Variants in RNPC3 observed in about 807,000 individuals in gnomAD.
RNPC3 encodes the protein RNA binding region (RNP1, RRM) containing 3, also known as RNA-binding region-containing protein 3.
RNPC3 carries 48 observed loss-of-function variants against 67.5 expected under a neutral mutation model. The ratio of observed to expected loss-of-function variants is 0.71; its 90% CI spans 0.56 to 0.90. The LOEUF (loss-of-function observed/expected upper bound fraction) is 0.90. Among genes scored for constraint, RNPC3 ranks in the 40% least tolerant of loss-of-function variants. The pLI is 0.00. For missense variants in RNPC3, 637 were observed against 626.1 expected (o/e 1.02, Z -0.19); for synonymous variants, 239 against 210.3 (o/e 1.14, Z -1.18).
intron 6 of RNPC3, among the ~76,000 whole-genome samples, chr1:103,536,695 G>A (rs538655912): frequency 2.6e-5 from 4 of 151,830 alleles, no homozygotes; most frequent in Admixed American, 1.3e-4. Context: ...AATACTTTGA[G>A]TGTTCATATA....
intron 7 of RNPC3, among the ~76,000 whole-genome samples, chr1:103,538,997 G>A (rs1478815852): frequency 6.6e-6 from 1 of 152,188 alleles, no homozygotes; most frequent in East Asian, 1.9e-4. Context: ...TGTGGTCTCT[G>A]TTGTGGCTAC....
intron 9 of RNPC3, among the ~76,000 whole-genome samples, chr1:103,544,469 C>A (rs1651197784): frequency 6.6e-6 from 1 of 151,688 alleles, no homozygotes. Flanking sequence ...TTTTATCATG[C>A]CTTTTTCATA....
At chr1:103,553,672 A>G (rs970534888) in intron 14 of RNPC3, 4 of 152,168 alleles carry the variant, frequency 2.6e-5, no homozygotes, top group Admixed American at 2.6e-4. Context: ...GTTGTGTAAT[A>G]TATCTGGTTT....
At chr1:103,539,484 C>T (rs910968245) in intron 7 of RNPC3, among the ~76,000 whole-genome samples, 4 of 152,180 alleles carry the variant, frequency 2.6e-5, no homozygotes, top group Non-Finnish European at 4.4e-5. Context: ...GTGTTAACTG[C>T]GGACTAATTA....
chr1:103,547,818 G>A (rs981463053), intron 12 of RNPC3, among the ~76,000 whole-genome samples: 3 of 152,160 alleles, frequency 2.0e-5, no homozygotes, highest in Admixed American at 6.5e-5. Flanking sequence ...AATTTACAAA[G>A]GAAAGAGGTT....
rs1650695762 is a variant in RNPC3 at position 103,526,066 on chromosome 1, G to C, written c.-5G>C. The stretch of plus-strand genomic sequence containing the variant: ...ACGATTTCTGTTTTTGCTTCTCCAA[G>C]GAAAATGGCAGCTCCCGAGCAGCCG... On this transcript the variant is annotated 5_prime_UTR_variant, in exon 1 of 15. Coordinates refer to ENST00000423855, the MANE Select transcript of RNPC3 (RefSeq NM_017619.4). 6.6e-7 allele frequency: 1 copy of C among 1,515,982 alleles called. No homozygotes were observed. 93.9% of individuals were successfully genotyped at this position (1,515,982 alleles called of 1,614,324 possible).
At chr1:103,537,740 C>T (rs370600824) in intron 7 of RNPC3, among the ~76,000 whole-genome samples, 77 of 152,114 alleles carry the variant, frequency 5.1e-4, no homozygotes, top group African/African-American at 1.7e-3. Flanking sequence ...AAAGTACGTT[C>T]GAGCCTTGTT....
intron 14 of RNPC3, chr1:103,554,598 T>G (rs1250043199): frequency 6.6e-6 from 1 of 152,608 alleles, no homozygotes; most frequent in African/African-American, 2.4e-5. Context: ...AAAGGTTTCT[T>G]TAGTAATTTT....
chr1:103,554,358 A>C (rs530794550), intron 14 of RNPC3: 1 of 152,280 alleles, frequency 6.6e-6, no homozygotes, highest in South Asian at 2.1e-4. Flanking sequence ...TCTCCCTCCT[A>C]AAAAAATCCT....
intron 2 of RNPC3, among the ~76,000 whole-genome samples, chr1:103,530,176 G>T (rs1650815314): frequency 6.6e-6 from 1 of 151,526 alleles, no homozygotes; most frequent in Admixed American, 6.6e-5. Flanking sequence ...TGCTGATTTA[G>T]GTTTTGGGAT....
chr1:103,532,369 C>T (rs1298150588), intron 2 of RNPC3, among the ~76,000 whole-genome samples: 2 of 151,950 alleles, frequency 1.3e-5, no homozygotes, highest in African/African-American at 4.8e-5. Context: ...AGAGATGGCT[C>T]CTGGTGGAGC....
In RNPC3 at chr1:103,550,946, A is replaced by G. The variant is rs1440962556; in HGVS notation, c.1367A>G (p.Asp456Gly). 1.2e-6 allele frequency: 2 copies of G among 1,610,848 alleles called. No individual in the cohort carries two copies. The highest frequency in any genetic ancestry group is 1.7e-6 in the Non-Finnish European group (2 of 1,179,384). ...AAACTGTTTCTTCCTTCTAGGTTTG[A>G]TATACGTTTGATGAAAGAAGGTCGT... The part of the protein sequence containing the change: ...FSSETQRIMF[D>G]IRLMKEGRMK... The change falls in exon 13 of 15, where the codon GAT becomes GGT. Residue 456 changes from aspartate (D) to glycine (G), a missense_variant. Around this residue, in one of 3 missense-constraint regions of RNPC3, gnomAD observed 96 missense variants for 105.8 expected, o/e 0.91. Coordinates refer to ENST00000423855, the MANE Select transcript of RNPC3 (RefSeq NM_017619.4).
intron 9 of RNPC3, among the ~76,000 whole-genome samples, 188 bp from the exon 10 acceptor site, chr1:103,544,753 A>G (rs979286580): frequency 6.8e-6 from 1 of 146,882 alleles, no homozygotes; most frequent in African/African-American, 2.5e-5. Context: ...CTTTAACAAA[A>G]TTTTTTTTTT....
chr1:103,547,108 C>A, intron 12 of RNPC3, 73 bp downstream of exon 12: 1 of 819,324 alleles, frequency 1.2e-6, no homozygotes, highest in Non-Finnish European at 1.8e-6. Flanking sequence ...CTATTTTAAT[C>A]CCATCATTTT....
At chr1:103,527,572 G>C in intron 1 of RNPC3, 123 bp from the exon 2 acceptor site, 1 of 740,454 alleles carries the variant, frequency 1.4e-6, no homozygotes. Context: ...AAATGGTCTT[G>C]AGTTTTCATC....
chr1:103,551,187 T>TTTAGTTACA, intron 13 of RNPC3, 114 bp downstream of exon 13: 1 of 852,792 alleles, frequency 1.2e-6, no homozygotes, highest in South Asian at 1.9e-5. Flanking sequence ...TAGCAGTAGA[T>TTTAGTTACA]ATTCATTCGT....
chr1:103,529,828 T>C (rs558360294), intron 2 of RNPC3, among the ~76,000 whole-genome samples: 1 of 152,302 alleles, frequency 6.6e-6, no homozygotes, highest in East Asian at 1.9e-4. Flanking sequence ...CACCACCTGT[T>C]AGAACCTGGG....
chr1:103,543,347 T>C lies in RNPC3; in HGVS notation c.945T>C (p.Pro315=). The change falls in exon 9 of 15, where the codon CCT becomes CCC. Residue 315 remains proline, a synonymous_variant. Transcript: ENST00000423855. ...LPSDVFDQPQ[P]VGNKRIEFHI... is the part of the protein sequence containing the mutation. ...CAGATGTATTTGACCAACCACAACC[T>C]GTAGGTAACAAAAGAATTGAATTCC... 19 of 1,514,328 alleles carry C rather than the reference T, an allele frequency of 1.3e-5. No individual in the cohort carries two copies. The highest frequency in any genetic ancestry group is 1.7e-5 in the Non-Finnish European group (19 of 1,137,050). 93.8% of individuals were successfully genotyped at this position (1,514,328 alleles called of 1,614,324 possible).
intron 11 of RNPC3, 69 bp from the exon 12 acceptor site, chr1:103,546,908 G>A: frequency 3.8e-6 from 3 of 779,222 alleles, no homozygotes; most frequent in East Asian, 2.7e-5. Flanking sequence ...ATGCATTGAT[G>A]TATTTATTTA....
Sources: gnomAD v4.1 joint callset for allele counts (sites outside exome capture counted in the v4.1 genomes callset) on GRCh38, gnomAD v4.1.1 for gene constraint, gnomAD v4.1.1 regional missense constraint, MANE v1.5 for transcripts, NCBI Gene and HGNC (gene_info 2026-07-23, HGNC 2026-07-21) for gene names.